COBL: variants seen among roughly 807,000 people sequenced by gnomAD.
COBL encodes the protein protein cordon-bleu.
In COBL, 51 loss-of-function variants were observed where a neutral mutation model predicts 98.8. The ratio of observed to expected loss-of-function variants is 0.52; its 90% CI spans 0.41 to 0.65. The LOEUF (loss-of-function observed/expected upper bound fraction) is 0.65, where lower values mean the gene tolerates loss of function less well. Ranked by LOEUF, COBL falls within the 30% of genes least tolerant of loss-of-function variation. The probability of loss-of-function intolerance (pLI) is 0.00; values close to 1 mark genes in which losing one functional copy is unlikely to be tolerated. For synonymous variants in COBL, 634 were observed against 651.7 expected (o/e 0.97, Z 0.41); for missense variants, 1,617 against 1,617.5 (o/e 1.00, Z 0.01).
intron 7 of COBL, among the ~76,000 whole-genome samples, chr7:51,075,747 G>T (rs2128928489): frequency 6.6e-6 from 1 of 152,202 alleles, no homozygotes; most frequent in Admixed American, 6.5e-5. Flanking sequence ...GAAGTAATTA[G>T]CAAAAAGAAA....
At chr7:51,051,408 A>G (rs543998725) in intron 7 of COBL, among the ~76,000 whole-genome samples, 8 of 152,330 alleles carry the variant, frequency 5.3e-5, no homozygotes, top group African/African-American at 1.7e-4. Context: ...TTGTTTTTCA[A>G]TAATAGCCTG....
At chr7:51,296,849 G>A (rs1397925737) in intron 1 of COBL, among the ~76,000 whole-genome samples, 1 of 152,136 alleles carries the variant, frequency 6.6e-6, no homozygotes, top group Non-Finnish European at 1.5e-5. Context: ...ACTGGAAAAC[G>A]ACCATGCTGT....
At chr7:51,276,512 C>T (rs1421830901) in intron 1 of COBL, among the ~76,000 whole-genome samples, 2 of 152,242 alleles carry the variant, frequency 1.3e-5, no homozygotes, top group African/African-American at 4.8e-5. Context: ...CAGGCTTTTC[C>T]TTCCCCTCTT....
chr7:51,162,962 G>T (rs1380450781), intron 5 of COBL, among the ~76,000 whole-genome samples: 1 of 152,230 alleles, frequency 6.6e-6, no homozygotes, highest in African/African-American at 2.4e-5. Context: ...TGTAAAGCAA[G>T]AAGTGCTAAG....
At chr7:51,026,470 C>A in intron 11 of COBL, 76 bp downstream of exon 11, 1 of 1,564,304 alleles carries the variant, frequency 6.4e-7, no homozygotes. Context: ...CTTCTGCAGC[C>A]ACCACCCAAG....
At chr7:51,260,982 A>G (rs1797662157) in intron 1 of COBL, among the ~76,000 whole-genome samples, 1 of 152,156 alleles carries the variant, frequency 6.6e-6, no homozygotes. Context: ...ATAAACCTCC[A>G]TACCCCTTCT....
At chr7:51,123,342 G>A (rs1344894) in intron 6 of COBL, among the ~76,000 whole-genome samples, 2 of 152,228 alleles carry the variant, frequency 1.3e-5, no homozygotes, top group Admixed American at 1.3e-4. Context: ...TGGCTAGCCT[G>A]ATGAAGTTAA....
chr7:51,176,701 A>G (rs2129047261), intron 5 of COBL, among the ~76,000 whole-genome samples: 1 of 152,330 alleles, frequency 6.6e-6, no homozygotes, highest in East Asian at 1.9e-4. Context: ...AACTTGTTCC[A>G]TTTACAAAGG....
At chr7:51,214,738 A>G (rs1265005996) in intron 2 of COBL, among the ~76,000 whole-genome samples, 1 of 152,178 alleles carries the variant, frequency 6.6e-6, no homozygotes, top group Non-Finnish European at 1.5e-5. Context: ...TCAATTTTGT[A>G]TGCTACTTTT....
chr7:51,059,384 AAACCT>A, intron 7 of COBL, among the ~76,000 whole-genome samples: 1 of 152,340 alleles, frequency 6.6e-6, no homozygotes, highest in East Asian at 1.9e-4. Flanking sequence ...CGGTTTCCAA[AAACCT>A]AACCTATTGA....
chr7:51,155,433 C>CA (rs889521131), intron 5 of COBL, among the ~76,000 whole-genome samples: 10 of 151,190 alleles, frequency 6.6e-5, no homozygotes, highest in Admixed American at 2.6e-4. Flanking sequence ...ACTAAAAATA[C>CA]AAAAAAATTA....
At chr7:51,259,455 T>C (rs1797519424) in intron 1 of COBL, 1 of 532,910 alleles carries the variant, frequency 1.9e-6, no homozygotes, top group African/African-American at 1.9e-5. Flanking sequence ...ATGAGCTGAT[T>C]GATGTGTTCA....
rs9986728 is a variant in COBL, at chr7:51,170,508, T to G, written c.783+13594A>C. Among the ~76,000 whole-genome samples the G allele has an allele frequency of 6.3e-3, 852 of 134,400 alleles. 7 individuals are homozygous for G. The highest frequency in any genetic ancestry group is 0.023 in the African/African-American group (790 of 34,052). 88.2% of individuals were successfully genotyped at this position (134,400 alleles called of 152,430 possible). ...TCTGAAACAAAACCTGACACTGTGATATATATATATATATATATATATAAA... is the reference window on the plus strand; with the variant it reads ...TCTGAAACAAAACCTGACACTGTGAGATATATATATATATATATATATAAA... On this transcript the variant is annotated intron_variant, in intron 5 of 12. Coordinates refer to ENST00000265136, the MANE Select transcript of COBL (RefSeq NM_015198.5).
At chr7:51,017,664 C>G in intron 12 of COBL, 96 bp from the exon 13 acceptor site, 3 of 1,275,824 alleles carry the variant, frequency 2.4e-6, no homozygotes, top group South Asian at 1.2e-5. Flanking sequence ...GCCACTCTTG[C>G]AATAGTACTC....
chr7:51,180,126 GT>G (rs1788792872), intron 5 of COBL, among the ~76,000 whole-genome samples: 1 of 152,142 alleles, frequency 6.6e-6, no homozygotes, highest in African/African-American at 2.4e-5. Context: ...ACAAGGATCT[GT>G]TTTCTTTTTT....
chr7:51,074,191 ATTT>A (rs369421469), intron 7 of COBL, among the ~76,000 whole-genome samples: 12 of 100,506 alleles, frequency 1.2e-4, no homozygotes, highest in African/African-American at 2.8e-4. Flanking sequence ...CAAGGTAATG[ATTT>A]TTTTTTTTTT....
intron 1 of COBL, among the ~76,000 whole-genome samples, chr7:51,237,875 T>C (rs938038532): frequency 1.3e-5 from 2 of 152,194 alleles, no homozygotes; most frequent in Non-Finnish European, 2.9e-5. Flanking sequence ...AGCTTTGTGG[T>C]TCTCTCTGAA....
In COBL at chr7:51,025,261, T is replaced by A; in HGVS notation, c.3616A>T (p.Ile1206Phe). 2 of 1,324,234 alleles carry A rather than the reference T, an allele frequency of 1.5e-6. No homozygotes were observed. The highest frequency in any genetic ancestry group is 2.1e-6 in the Non-Finnish European group (2 of 933,808). The allele number at this position is 1,324,234 out of a possible 1,614,324, so 82.0% of individuals were successfully genotyped here. Residue 1206 changes from isoleucine (I) to phenylalanine (F), a missense_variant, in exon 12 of 13, where the codon ATT becomes TTT. Physicochemically the swap from Ile to Phe is conservative, Grantham distance 21. Around this residue, in one of 3 missense-constraint regions of COBL, gnomAD observed 1,304 missense variants for 1,282.0 expected, o/e 1.02. Transcript: ENST00000265136. ...GAGGGTGGAGGGGGTGGTGGGGGAA[T>A]GGCTGGTGGGGACAGAAGACCAAGG... Reference protein sequence around the residue: ...EDLGLLSPPAIPPPPPPPSQA... With the variant: ...EDLGLLSPPAFPPPPPPPSQA...
rs557730273 is a variant in COBL at position 51,275,933 on chromosome 7, T to C, written c.41+40660A>G. 4.7e-4 allele frequency among the ~76,000 whole-genome samples: 71 copies of C among 152,344 alleles called. No individual in the cohort carries two copies. The South Asian group carries it at 0.012, about 26-fold the overall frequency. On this transcript the variant is annotated intron_variant, in intron 1 of 12. Transcript: ENST00000265136. ...CCGGGGTTTTGTGAGGTTGTCTGTT[T>C]TAATAAAGAAGCCCTTATCTTCCTT...
Sources: gnomAD v4.1 joint callset for allele counts (sites outside exome capture counted in the v4.1 genomes callset) on GRCh38, gnomAD v4.1.1 for gene constraint, gnomAD v4.1.1 regional missense constraint, MANE v1.5 for transcripts, NCBI Gene and HGNC (gene_info 2026-07-23, HGNC 2026-07-21) for gene names.